The following KCND3 variants were observed in gnomAD, a reference collection of about 807,000 sequenced individuals.
KCND3 encodes the protein A-type voltage-gated potassium channel KCND3.
KCND3 carries 9 observed loss-of-function variants against 51.1 expected under a neutral mutation model. That is an observed-to-expected ratio of 0.18 (90% CI 0.11 to 0.31). The LOEUF (loss-of-function observed/expected upper bound fraction) is 0.31. KCND3 is among the 10% of genes least tolerant of loss of function. The pLI is 1.00. For synonymous variants in KCND3, 349 were observed against 368.0 expected, an observed-to-expected ratio of 0.95 and a Z score of 0.59; for missense variants, 526 against 903.8, an observed-to-expected ratio of 0.58 and a Z score of 5.36.
At chr1:111,785,611 T>C (rs368122198) in intron 3 of KCND3, among the ~76,000 whole-genome samples, 71 of 152,142 alleles carry the variant, frequency 4.7e-4, no homozygotes, top group Admixed American at 5.9e-4. Context: ...TGGGAACCAA[T>C]TGGATTCACT....
At chr1:111,918,083 T>C (rs1051170771) in intron 2 of KCND3, among the ~76,000 whole-genome samples, 4 of 152,312 alleles carry the variant, frequency 2.6e-5, no homozygotes, top group Admixed American at 6.5e-5. Context: ...CCAAATCCAA[T>C]TGTGGCACAT....
intron 2 of KCND3, among the ~76,000 whole-genome samples, chr1:111,973,429 G>C (rs575894773): frequency 6.6e-6 from 1 of 152,334 alleles, no homozygotes; most frequent in East Asian, 1.9e-4. Flanking sequence ...TTCATATAAA[G>C]AAGATAACAA....
rs1664009323 is a variant in KCND3, at chr1:111,773,826, A to C, written c.*2251T>G. 1.3e-5 allele frequency: 2 copies of C among 152,252 alleles called. No individual in the cohort carries two copies. Among genetic ancestry groups the C allele is most frequent in the South Asian group, 4.2e-4 (2 of 4,816 alleles). 9.4% of individuals were successfully genotyped at this position (152,252 alleles called of 1,614,324 possible). On this transcript the variant is annotated 3_prime_UTR_variant, in exon 8 of 8. Coordinates refer to ENST00000302127, the MANE Select transcript of KCND3 (RefSeq NM_001378969.1). ...AGTACTCATTTTTTTTAAGAGAAAAATTCTTTTCTAGTCCTTTGCCCGCCC... is the reference window on the plus strand; with the variant it reads ...AGTACTCATTTTTTTTAAGAGAAAACTTCTTTTCTAGTCCTTTGCCCGCCC...
intron 2 of KCND3, among the ~76,000 whole-genome samples, chr1:111,895,693 C>T (rs1008113177): frequency 1.3e-5 from 2 of 152,202 alleles, no homozygotes; most frequent in Non-Finnish European, 1.5e-5. Context: ...GCTCAGAATG[C>T]GCTAGCGCGC....
rs570432962 is a variant in KCND3 at position 111,775,657 on chromosome 1, T to A, written c.*420A>T. 3.6e-6 allele frequency: 1 copy of A among 274,338 alleles called. No individual in the cohort carries two copies. The highest frequency in any genetic ancestry group is 2.2e-5 in the African/African-American group (1 of 46,304). 17.0% of individuals were successfully genotyped at this position (274,338 alleles called of 1,614,324 possible). A position where few individuals can be genotyped will look rare whatever the true frequency, so the allele number is the denominator to read the frequency against. ...GTGCTTAAATACACAGTGTTATATT[T>A]TCTTCCTGTTTTGCTTGTGACAACT... On this transcript the variant is annotated 3_prime_UTR_variant, in exon 8 of 8. Coordinates refer to ENST00000302127, the MANE Select transcript of KCND3 (RefSeq NM_001378969.1).
chr1:111,966,780 T>C lies in KCND3; in HGVS notation c.1106+14841A>G, dbSNP rs182167279. Among the ~76,000 whole-genome samples the C allele has an allele frequency of 5.3e-5, 8 of 152,302 alleles. No homozygotes were observed. In the East Asian group the frequency reaches 1.5e-3, roughly 29 times the overall value. On this transcript the variant is annotated intron_variant, in intron 2 of 7. Coordinates refer to ENST00000302127, the MANE Select transcript of KCND3 (RefSeq NM_001378969.1). Reference sequence around the variant, plus strand: ...TTCTGAGGTATAGAGAAAGTAGATTTGAGTTCAACACAAAGAGGAGGTTGG... The same window carrying C: ...TTCTGAGGTATAGAGAAAGTAGATTCGAGTTCAACACAAAGAGGAGGTTGG...
At chr1:111,936,700 T>G (rs1672239702) in intron 2 of KCND3, among the ~76,000 whole-genome samples, 1 of 152,204 alleles carries the variant, frequency 6.6e-6, no homozygotes, top group Non-Finnish European at 1.5e-5. Flanking sequence ...TCCTAACTAC[T>G]CAGGGAAACG....
chr1:111,965,421 C>G (rs1489525959), intron 2 of KCND3, among the ~76,000 whole-genome samples: 1 of 135,284 alleles, frequency 7.4e-6, no homozygotes, highest in Admixed American at 7.6e-5. Context: ...CTCCCCGACC[C>G]CTTATGGCCA....
rs538409870 is a variant in KCND3 at position 111,981,529 on chromosome 1, C to G, written c.1106+92G>C. 4.4e-6 allele frequency: 7 copies of G among 1,582,242 alleles called. No homozygotes were observed. The South Asian group carries it at 7.8e-5, about 18-fold the overall frequency. ...ACACTTGGGTAAGGGACTCCCTCCT[C>G]CTCTACCCATGGTGACACCATCCAA... On this transcript the variant is annotated intron_variant, in intron 2 of 7. Transcript: ENST00000302127. This position sits in a 1 kb window ranked among gnomAD's most constrained non-coding sequence, Gnocchi z 6.2.
At chr1:111,891,116 C>A (rs903523763) in intron 2 of KCND3, among the ~76,000 whole-genome samples, 1 of 152,176 alleles carries the variant, frequency 6.6e-6, no homozygotes, top group Non-Finnish European at 1.5e-5. Context: ...AGTTGTTTAA[C>A]CTTTCTTTGC....
chr1:111,895,520 G>A (rs1670064772), intron 2 of KCND3, among the ~76,000 whole-genome samples: 1 of 152,238 alleles, frequency 6.6e-6, no homozygotes, highest in Non-Finnish European at 1.5e-5. Flanking sequence ...GCCCGTGTGG[G>A]AGGACAGTTT....
chr1:111,956,754 C>G (rs1324891659), intron 2 of KCND3, among the ~76,000 whole-genome samples: 3 of 152,272 alleles, frequency 2.0e-5, no homozygotes, highest in African/African-American at 7.2e-5. Context: ...AGCTGGAACA[C>G]CGTCTCTCCT....
chr1:111,802,690 A>G (rs1665371778), intron 2 of KCND3, among the ~76,000 whole-genome samples: 1 of 152,216 alleles, frequency 6.6e-6, no homozygotes, highest in African/African-American at 2.4e-5. Context: ...CATAGTAGGA[A>G]TGTCACATTG....
At chr1:111,808,282 G>A (rs1029385878) in intron 2 of KCND3, among the ~76,000 whole-genome samples, 3 of 152,092 alleles carry the variant, frequency 2.0e-5, no homozygotes, top group Non-Finnish European at 2.9e-5. Context: ...TTGGCCTGAC[G>A]TCTGCCACTC....
chr1:111,919,242 A>C (rs1292863472), intron 2 of KCND3, among the ~76,000 whole-genome samples: 1 of 150,630 alleles, frequency 6.6e-6, no homozygotes, highest in African/African-American at 2.4e-5. Context: ...GTACAAGTAA[A>C]TGAACAAGAT....
intron 2 of KCND3, among the ~76,000 whole-genome samples, chr1:111,880,987 C>T (rs755878668): frequency 6.6e-6 from 1 of 152,188 alleles, no homozygotes; most frequent in Admixed American, 6.5e-5. Context: ...CACTTCCCAA[C>T]ACGACCTCCT....
intron 2 of KCND3, among the ~76,000 whole-genome samples, chr1:111,896,419 G>A (rs1670117145): frequency 6.6e-6 from 1 of 152,184 alleles, no homozygotes; most frequent in South Asian, 2.1e-4. Context: ...GAAATCAGGA[G>A]GGAGCAGGTG....
intron 2 of KCND3, among the ~76,000 whole-genome samples, chr1:111,894,626 G>A (rs552282604): frequency 1.8e-4 from 28 of 152,214 alleles, no homozygotes; most frequent in Non-Finnish European, 3.5e-4. Context: ...CAGGCGTGAT[G>A]ACTAGCAGGC....
chr1:111,895,222 G>T (rs528100950), intron 2 of KCND3, among the ~76,000 whole-genome samples: 3 of 151,720 alleles, frequency 2.0e-5, no homozygotes, highest in Admixed American at 2.0e-4. Flanking sequence ...GACGGAGAGG[G>T]AGGAGGGAAG....
Sources: allele counts gnomAD v4.1 joint callset (sites outside exome capture counted in the v4.1 genomes callset), GRCh38; gene constraint gnomAD v4.1.1; non-coding constraint Gnocchi (gnomAD v3.1); transcripts MANE v1.5; gene names NCBI Gene and HGNC (gene_info 2026-07-23, HGNC 2026-07-21).